Variants in DGLUCY observed in about 807,000 individuals in gnomAD.
The protein encoded by DGLUCY is D-glutamate cyclase, also known as D-glutamate cyclase, mitochondrial.
A neutral mutation model predicts 58.5 loss-of-function variants in DGLUCY; 58 were observed. The observed-to-expected ratio is 0.99, with a 90% CI of 0.80 to 1.23. The LOEUF is 1.23. Among genes scored for constraint, DGLUCY ranks in the 50% most tolerant of loss-of-function variants. The probability of loss-of-function intolerance (pLI) is 0.00; values close to 1 mark genes in which losing one functional copy is unlikely to be tolerated. For missense variants in DGLUCY, 779 were observed against 784.7 expected (o/e 0.99, Z 0.09); for synonymous variants, 325 against 314.1 (o/e 1.03, Z -0.37).
At chr14:91,215,158 TAATA>T (rs1040743034) in intron 12 of DGLUCY, among the ~76,000 whole-genome samples, 4 of 152,016 alleles carry the variant, frequency 2.6e-5, no homozygotes, top group African/African-American at 9.7e-5. Context: ...CAAAAAATAA[TAATA>T]ATAAATAAAT....
intron 7 of DGLUCY, among the ~76,000 whole-genome samples, chr14:91,178,867 C>G (rs770178518): frequency 6.6e-6 from 1 of 151,890 alleles, no homozygotes; most frequent in Non-Finnish European, 1.5e-5. Flanking sequence ...CCTGTCTCTA[C>G]TAAAAATACA....
intron 1 of DGLUCY, among the ~76,000 whole-genome samples, chr14:91,095,113 C>A (rs899782941): frequency 2.6e-5 from 4 of 152,122 alleles, no homozygotes; most frequent in Admixed American, 2.0e-4. Context: ...CCCCCCAGTT[C>A]ATTTGCCCCT....
chr14:91,123,617 C>T (rs186860368), intron 1 of DGLUCY, among the ~76,000 whole-genome samples: 3 of 152,134 alleles, frequency 2.0e-5, no homozygotes, highest in Non-Finnish European at 4.4e-5. Context: ...GACAGGGTCT[C>T]ACTTTGTCCC....
At chr14:91,153,959 G>A (rs887680772) in intron 1 of DGLUCY, among the ~76,000 whole-genome samples, 35 of 152,158 alleles carry the variant, frequency 2.3e-4, no homozygotes, top group Non-Finnish European at 2.9e-4. Context: ...AGGCTGGAGT[G>A]CAGTGGTGCG....
At position 91,215,480 on chromosome 14, in the gene DGLUCY, A is replaced by G; in HGVS notation, c.1640A>G (p.Tyr547Cys). 6.2e-7 allele frequency: 1 copy of G among 1,614,206 alleles called. No homozygotes were observed. The highest frequency in any genetic ancestry group is 1.1e-5 in the South Asian group (1 of 91,080). Reference protein sequence around the residue: ...ILYSCAVHSQYLRKAVGPSRA... With the variant: ...ILYSCAVHSQCLRKAVGPSRA... Reference sequence around the variant, plus strand: ...TACTCATGTGCTGTCCACAGTCAGTACCTGAGGAAAGCAGTCGGACCCTCC... The same window carrying G: ...TACTCATGTGCTGTCCACAGTCAGTGCCTGAGGAAAGCAGTCGGACCCTCC... The change falls in exon 13 of 14, where the codon TAC (tyrosine) becomes TGC (cysteine). Residue 547 changes from tyrosine to cysteine, a missense_variant. Transcript: ENST00000256324.
chr14:91,185,747 G>C (rs1347272747), intron 8 of DGLUCY, among the ~76,000 whole-genome samples: 1 of 151,274 alleles, frequency 6.6e-6, no homozygotes, highest in Non-Finnish European at 1.5e-5. Flanking sequence ...TATTGCAGAT[G>C]TGGTGCACCC....
chr14:91,175,573 G>A (rs1025250354), intron 6 of DGLUCY, among the ~76,000 whole-genome samples: 1 of 152,102 alleles, frequency 6.6e-6, no homozygotes, highest in African/African-American at 2.4e-5. Flanking sequence ...AAGCAGCTGA[G>A]GTTAGGTGCA....
chr14:91,092,169 A>G (rs373610351), intron 1 of DGLUCY, among the ~76,000 whole-genome samples: 27 of 152,332 alleles, frequency 1.8e-4, no homozygotes, highest in African/African-American at 6.3e-4. Flanking sequence ...TATTAGCCAT[A>G]GTACTAATTT....
At chr14:91,216,706 C>T (rs1886575659) in intron 13 of DGLUCY, among the ~76,000 whole-genome samples, 1 of 151,760 alleles carries the variant, frequency 6.6e-6, no homozygotes, top group Non-Finnish European at 1.5e-5. Flanking sequence ...CCCAAGGACA[C>T]TGTGACTTTC....
At chr14:91,139,559 C>T (rs1030184693) in intron 1 of DGLUCY, among the ~76,000 whole-genome samples, 1 of 152,146 alleles carries the variant, frequency 6.6e-6, no homozygotes, top group Non-Finnish European at 1.5e-5. Flanking sequence ...GTGGCTTGTG[C>T]CTATAATCCC....
intron 1 of DGLUCY, among the ~76,000 whole-genome samples, chr14:91,154,000 G>C (rs1354275397): frequency 6.6e-6 from 1 of 152,140 alleles, no homozygotes; most frequent in Admixed American, 6.6e-5. Context: ...CTGCCTCCCG[G>C]GTTCAAGCAG....
At position 91,199,818 on chromosome 14, in the gene DGLUCY, G is replaced by A. The variant is rs114411077; in HGVS notation, c.1357G>A (p.Ala453Thr). 7,872 of 1,614,150 alleles carry A rather than the reference G, an allele frequency of 4.9e-3. 260 individuals carry two copies. The East Asian group carries it at 0.08, about 16-fold the overall frequency. The change falls in exon 11 of 14, where the codon GCA becomes ACA. Residue 453 changes from alanine (A) to threonine (T), a missense_variant. Transcript: ENST00000256324. ...AGCTGCTGATGGCAATTACTACAAT[G>A]CAAGGAAGATGAACATCAAGCACTT... The part of the protein sequence containing the change: ...GRAADGNYYN[A>T]RKMNIKHLVD...
intron 12 of DGLUCY, among the ~76,000 whole-genome samples, chr14:91,205,837 T>C (rs1171330275): frequency 1.1e-5 from 1 of 92,768 alleles, no homozygotes; most frequent in Non-Finnish European, 2.2e-5. Context: ...CCCTTTCTTC[T>C]TCTTCTTTTT....
intron 9 of DGLUCY, among the ~76,000 whole-genome samples, chr14:91,192,599 C>G (rs1433737436): frequency 2.6e-5 from 4 of 151,994 alleles, no homozygotes; most frequent in Non-Finnish European, 5.9e-5. Context: ...CCGTTTCCAC[C>G]AGGACCTGTG....
At chr14:91,080,527 C>A (rs997045893) in intron 1 of DGLUCY, among the ~76,000 whole-genome samples, 1 of 152,114 alleles carries the variant, frequency 6.6e-6, no homozygotes, top group African/African-American at 2.4e-5. Flanking sequence ...CCCGCCACCA[C>A]GCCCAGCCAA....
intron 2 of DGLUCY, chr14:91,158,969 A>G (rs1352259040): frequency 2.7e-5 from 4 of 147,670 alleles, no homozygotes; most frequent in Non-Finnish European, 5.9e-5. Flanking sequence ...AGCTAGGACT[A>G]CAGGCATGCA....
Position 91,199,844 on chromosome 14 carries a change from G to A in DGLUCY, c.1383G>A (p.Leu461=). 1 of 1,614,128 alleles carries A rather than the reference G, an allele frequency of 6.2e-7. No individual in the cohort carries two copies. Among genetic ancestry groups the A allele is most frequent in the Non-Finnish European group, 8.5e-7 (1 of 1,180,030 alleles). Residue 461 remains leucine (L), a synonymous_variant, in exon 11 of 14, where the codon TTG becomes TTA. Transcript: ENST00000256324. ...CAAGGAAGATGAACATCAAGCACTT[G>A]GTTGACCCCATTGACGATCTTTTTC... ...YNARKMNIKH[L]VDPIDDLFLA...
chr14:91,131,113 C>T (rs2046003258), intron 1 of DGLUCY, among the ~76,000 whole-genome samples: 1 of 152,090 alleles, frequency 6.6e-6, no homozygotes, highest in Admixed American at 6.6e-5. Context: ...CCACGCCCGG[C>T]TAAGTTTGGT....
chr14:91,072,578 T>G lies in DGLUCY; in HGVS notation c.-82+11874T>G, dbSNP rs556923192. 1.1e-4 allele frequency among the ~76,000 whole-genome samples: 16 copies of G among 152,112 alleles called. No homozygotes were observed. In the South Asian group the frequency reaches 3.3e-3, roughly 32 times the overall value. On this transcript the variant is annotated intron_variant, in intron 1 of 4. Transcript: ENST00000521334. The stretch of plus-strand genomic sequence containing the variant: ...TTCCATTGTTATCTATTGATCTTTT[T>G]GCTCTGCATGCCCAAATTCAGATGA...
Sources: gnomAD v4.1 joint callset for allele counts (sites outside exome capture counted in the v4.1 genomes callset) on GRCh38, gnomAD v4.1.1 for gene constraint, MANE v1.5 for transcripts, NCBI Gene and HGNC (gene_info 2026-07-23, HGNC 2026-07-21) for gene names.